The following EDEM3 variants were observed in gnomAD, a reference collection of about 807,000 sequenced individuals.
EDEM3 encodes ER degradation-enhancing alpha-mannosidase-like protein 3.
EDEM3 carries 60 observed loss-of-function variants against 110.2 expected under a neutral mutation model. The observed-to-expected ratio is 0.54, with a 90% CI of 0.44 to 0.67. The LOEUF (loss-of-function observed/expected upper bound fraction) is 0.67, where lower values mean the gene tolerates loss of function less well. EDEM3 is among the 30% of genes least tolerant of loss of function. The pLI is 0.00. For missense variants in EDEM3, 996 were observed against 1,121.0 expected (o/e 0.89, Z 1.59); for synonymous variants, 352 against 382.9 (o/e 0.92, Z 0.94).
chr1:184,754,558 A>C lies in EDEM3; in HGVS notation c.89T>G (p.Leu30Arg). 1 of 1,612,188 alleles carries C rather than the reference A, an allele frequency of 6.2e-7. No homozygotes were observed. The highest frequency in any genetic ancestry group is 2.2e-5 in the East Asian group (1 of 44,770). ...RLVAATAAFC[L>R]VSATSVWTAG... Reference sequence around the variant, plus strand: ...CGTCCACACGGAGGTGGCCGACACCAGGCAGAACGCGGCCGTCGCCGCCAC... The same window carrying C: ...CGTCCACACGGAGGTGGCCGACACCCGGCAGAACGCGGCCGTCGCCGCCAC... The change falls in exon 1 of 20, where the codon CTG (leucine) becomes CGG (arginine). Residue 30 changes from leucine (L) to arginine (R), a missense_variant. By Grantham distance (102) the Leu-to-Arg change is moderately radical (BLOSUM62 -2). This residue lies in a region of EDEM3 where 200 missense variants were observed against 183.8 expected (regional missense o/e 1.09). Transcript: ENST00000318130.
chr1:184,719,112 G>A (rs1323949108), intron 11 of EDEM3, 50 bp downstream of exon 11: 1 of 1,042,690 alleles, frequency 9.6e-7, no homozygotes, highest in Non-Finnish European at 1.4e-6. Flanking sequence ...ACGTGTGTGT[G>A]TGTGTGTGTT....
intron 19 of EDEM3, among the ~76,000 whole-genome samples, chr1:184,697,236 G>A (rs1649379470): frequency 6.6e-6 from 1 of 151,744 alleles, no homozygotes; most frequent in South Asian, 2.1e-4. Flanking sequence ...AACAAGATTT[G>A]ATTAAATTTA....
In EDEM3 at chr1:184,712,562, A is replaced by T. The variant is rs902837579; in HGVS notation, c.1407T>A (p.Tyr469Ter). The change falls in exon 14 of 20, where the codon TAT becomes TAA. Residue 469 changes from tyrosine to a stop codon, truncating the protein, a stop_gained. Coordinates refer to ENST00000318130, the MANE Select transcript of EDEM3 (RefSeq NM_025191.4). LOFTEE classifies it high-confidence loss of function. ...CTTTATCAGCAAATAACAGGTAAAG[A>T]TATTTAAACATTTCAGCCAAGAAGA... Reference protein sequence around the residue: ...DSFFLAEMFKYLYLLFADKED... With the variant: ...DSFFLAEMFK 3 of 1,562,042 alleles carry T rather than the reference A, an allele frequency of 1.9e-6. No individual in the cohort carries two copies. Among genetic ancestry groups the T allele is most frequent in the Non-Finnish European group, 2.6e-6 (3 of 1,150,814 alleles).
At chr1:184,720,352 T>C (rs1650818998) in intron 9 of EDEM3, among the ~76,000 whole-genome samples, 1 of 152,132 alleles carries the variant, frequency 6.6e-6, no homozygotes, top group African/African-American at 2.4e-5. Context: ...CTAATCACTT[T>C]GAATGCATAA....
chr1:184,754,720 G>C lies in EDEM3; in HGVS notation c.-74C>G. ...CACATTGCTGGACGCTGGTGGCCAG[G>C]GGGCTGCTAGCCGTGCCGAGACGGG... is the stretch of plus-strand genomic sequence containing the variant. On this transcript the variant is annotated 5_prime_UTR_variant, in exon 1 of 20. Coordinates refer to ENST00000318130, the MANE Select transcript of EDEM3 (RefSeq NM_025191.4). 1 of 1,441,474 alleles carries C rather than the reference G, an allele frequency of 6.9e-7. No homozygotes were observed. The highest frequency in any genetic ancestry group is 9.1e-7 in the Non-Finnish European group (1 of 1,103,456). 89.3% of individuals were successfully genotyped at this position (1,441,474 alleles called of 1,614,324 possible).
At chr1:184,748,112 G>A (rs1652535058) in intron 2 of EDEM3, among the ~76,000 whole-genome samples, 1 of 151,988 alleles carries the variant, frequency 6.6e-6, no homozygotes, top group African/African-American at 2.4e-5. Flanking sequence ...AAATGATTTT[G>A]AAAGAAATAA....
chr1:184,709,231 G>A (rs1009205510), intron 16 of EDEM3, among the ~76,000 whole-genome samples: 1 of 152,062 alleles, frequency 6.6e-6, no homozygotes, highest in African/African-American at 2.4e-5. Context: ...ATTCAAGTTT[G>A]GACAGATTGA....
intron 18 of EDEM3, among the ~76,000 whole-genome samples, chr1:184,705,520 G>A (rs894747365): frequency 6.6e-6 from 1 of 152,194 alleles, no homozygotes; most frequent in Non-Finnish European, 1.5e-5. Flanking sequence ...AATGGGCAAT[G>A]AGCTGGATTT....
At chr1:184,723,652 T>C (rs1312019442) in intron 8 of EDEM3, 99 bp downstream of exon 8, 3 of 1,004,902 alleles carry the variant, frequency 3.0e-6, no homozygotes, top group Non-Finnish European at 4.5e-6. Flanking sequence ...AACCTATGCT[T>C]TATAGTATCC....
chr1:184,701,664 T>A, intron 19 of EDEM3: 1 of 586,396 alleles, frequency 1.7e-6, no homozygotes, highest in Non-Finnish European at 2.5e-6. Flanking sequence ...GGCAAGAAGA[T>A]CTGAGTTTAG....
chr1:184,727,676 A>G (rs929779534), intron 6 of EDEM3, among the ~76,000 whole-genome samples: 12 of 152,174 alleles, frequency 7.9e-5, no homozygotes, highest in Admixed American at 4.6e-4. Context: ...GATCACTGTT[A>G]ATGTTGTTCT....
At chr1:184,747,948 T>C (rs1652526525) in intron 2 of EDEM3, among the ~76,000 whole-genome samples, 1 of 152,222 alleles carries the variant, frequency 6.6e-6, no homozygotes, top group African/African-American at 2.4e-5. Context: ...TCCAGCTATA[T>C]GCTATTTTAT....
chr1:184,705,452 T>C (rs577563435), intron 18 of EDEM3, among the ~76,000 whole-genome samples: 1 of 152,226 alleles, frequency 6.6e-6, no homozygotes, highest in Non-Finnish European at 1.5e-5. Flanking sequence ...AAAGCAGTCA[T>C]AGACCATACA....
intron 13 of EDEM3, among the ~76,000 whole-genome samples, chr1:184,716,402 A>G (rs1260351921): frequency 6.6e-6 from 1 of 152,118 alleles, no homozygotes; most frequent in Non-Finnish European, 1.5e-5. Flanking sequence ...TACCATCTAC[A>G]TCTATCCAGT....
chr1:184,708,423 C>T, intron 16 of EDEM3, 79 bp from the exon 17 acceptor site: 1 of 1,428,124 alleles, frequency 7.0e-7, no homozygotes, highest in Non-Finnish European at 9.6e-7. Flanking sequence ...AGACACTGTA[C>T]TGTAGTATTC....
intron 4 of EDEM3, among the ~76,000 whole-genome samples, chr1:184,735,241 T>C (rs1253196680): frequency 1.3e-5 from 2 of 152,208 alleles, no homozygotes; most frequent in Non-Finnish European, 2.9e-5. Flanking sequence ...TGTTCCTTCA[T>C]CTATAAAAAG....
chr1:184,705,617 C>T (rs1425951973), intron 18 of EDEM3, among the ~76,000 whole-genome samples: 1 of 152,090 alleles, frequency 6.6e-6, no homozygotes, highest in African/African-American at 2.4e-5. Context: ...TTTATGCATC[C>T]ATTAAATCAA....
intron 18 of EDEM3, among the ~76,000 whole-genome samples, chr1:184,704,782 G>A (rs1439765212): frequency 6.6e-6 from 1 of 151,620 alleles, no homozygotes; most frequent in African/African-American, 2.4e-5. Context: ...GACGGGCCAG[G>A]CTTGGTGGCT....
chr1:184,713,303 AT>A (rs1156468409), intron 13 of EDEM3, among the ~76,000 whole-genome samples: 2 of 152,108 alleles, frequency 1.3e-5, no homozygotes, highest in African/African-American at 4.8e-5. Context: ...AAAAAGTACA[AT>A]GCAAAGTCAC....
Sources: allele counts gnomAD v4.1 joint callset (sites outside exome capture counted in the v4.1 genomes callset), GRCh38; gene constraint gnomAD v4.1.1; regional missense constraint gnomAD v4.1.1; transcripts MANE v1.5; gene names NCBI Gene and HGNC (gene_info 2026-07-23, HGNC 2026-07-21).